PALLD: variants seen among roughly 807,000 people sequenced by gnomAD.
PALLD encodes palladin.
In PALLD, 61 loss-of-function variants were observed where a neutral mutation model predicts 123.5. That is an observed-to-expected ratio of 0.49 (90% CI 0.40 to 0.61). The LOEUF (loss-of-function observed/expected upper bound fraction) is 0.61, where lower values mean the gene tolerates loss of function less well. Among genes scored for constraint, PALLD ranks in the 20% least tolerant of loss-of-function variants. The probability of loss-of-function intolerance (pLI) is 0.00; values close to 1 mark genes in which losing one functional copy is unlikely to be tolerated. For synonymous variants in PALLD, 465 were observed against 496.4 expected, an observed-to-expected ratio of 0.94 and a Z score of 0.84; for missense variants, 1,273 against 1,377.0, an observed-to-expected ratio of 0.92 and a Z score of 1.20.
intron 2 of PALLD, among the ~76,000 whole-genome samples, chr4:168,616,282 G>A (rs940504263): frequency 4.6e-5 from 7 of 152,052 alleles, no homozygotes; most frequent in African/African-American, 1.7e-4. Context: ...TCTCATTTTG[G>A]GTCTTAAGGA....
chr4:168,858,916 C>T (rs932252545), intron 10 of PALLD, among the ~76,000 whole-genome samples: 1 of 152,184 alleles, frequency 6.6e-6, no homozygotes, highest in African/African-American at 2.4e-5. Context: ...AATCTGGATT[C>T]ACTCCCATCC....
chr4:168,864,489 T>G (rs983958043), intron 10 of PALLD: 9 of 152,248 alleles, frequency 5.9e-5, no homozygotes, highest in African/African-American at 2.2e-4. Flanking sequence ...CTGGATGAGA[T>G]GATCCCGGTT....
At chr4:168,576,560 A>G (rs914347307) in intron 2 of PALLD, among the ~76,000 whole-genome samples, 1 of 152,186 alleles carries the variant, frequency 6.6e-6, no homozygotes, top group Non-Finnish European at 1.5e-5. Flanking sequence ...TACAAAGGAC[A>G]TGAACTCATC....
At chr4:168,599,798 A>T (rs2149717287) in intron 2 of PALLD, among the ~76,000 whole-genome samples, 1 of 152,336 alleles carries the variant, frequency 6.6e-6, no homozygotes, top group East Asian at 1.9e-4. Context: ...AAAATAAAAT[A>T]AAAAGAATAA....
At chr4:168,840,226 C>T (rs1745843750) in intron 10 of PALLD, among the ~76,000 whole-genome samples, 1 of 152,240 alleles carries the variant, frequency 6.6e-6, no homozygotes, top group South Asian at 2.1e-4. Context: ...TGAGTACATA[C>T]TGTCCACACC....
intron 10 of PALLD, among the ~76,000 whole-genome samples, chr4:168,792,815 A>G (rs1314417867): frequency 2.0e-5 from 3 of 148,496 alleles, no homozygotes; most frequent in South Asian, 4.3e-4. Flanking sequence ...CACCCAGGCT[A>G]GAGTGCAGTG....
chr4:168,647,478 T>C (rs1298617715), intron 2 of PALLD, among the ~76,000 whole-genome samples: 3 of 152,084 alleles, frequency 2.0e-5, no homozygotes, highest in African/African-American at 7.2e-5. Context: ...TAAAACAGTC[T>C]CTTAAAAAAG....
At chr4:168,540,120 C>G (rs1186268276) in intron 2 of PALLD, among the ~76,000 whole-genome samples, 1 of 152,114 alleles carries the variant, frequency 6.6e-6, no homozygotes, top group Non-Finnish European at 1.5e-5. Flanking sequence ...GTATTATGAC[C>G]AAGTCATCCC....
At chr4:168,919,954 T>C (rs769452160) in intron 17 of PALLD, among the ~76,000 whole-genome samples, 19 of 152,068 alleles carry the variant, frequency 1.2e-4, no homozygotes, top group Admixed American at 2.6e-4. Context: ...GTAGGTTCAC[T>C]GTGAATCACG....
At chr4:168,675,340 T>C (rs890140577) in intron 3 of PALLD, among the ~76,000 whole-genome samples, 1 of 152,224 alleles carries the variant, frequency 6.6e-6, no homozygotes, top group Non-Finnish European at 1.5e-5. Flanking sequence ...AGGTTCTCAG[T>C]GCTACGAATA....
chr4:168,497,491 G>A (rs1760872292), intron 1 of PALLD, among the ~76,000 whole-genome samples: 1 of 152,160 alleles, frequency 6.6e-6, no homozygotes, highest in South Asian at 2.1e-4. Context: ...AGGATTAAAT[G>A]TATTTATGGA....
intron 10 of PALLD, among the ~76,000 whole-genome samples, chr4:168,815,324 C>T (rs750983806): frequency 2.0e-5 from 3 of 152,176 alleles, no homozygotes; most frequent in Non-Finnish European, 4.4e-5. Context: ...TGCTCTAAAA[C>T]CTAAACAAGT....
At chr4:168,841,085 G>A (rs533893317) in intron 10 of PALLD, among the ~76,000 whole-genome samples, 7 of 152,182 alleles carry the variant, frequency 4.6e-5, no homozygotes, top group African/African-American at 1.7e-4. Flanking sequence ...TCCTGACCTC[G>A]TGATCCTCCT....
chr4:168,660,956 G>C (rs1304056909), intron 2 of PALLD, among the ~76,000 whole-genome samples: 2 of 151,314 alleles, frequency 1.3e-5, no homozygotes, highest in East Asian at 3.9e-4. Context: ...CCAGGCTGGA[G>C]TGCAGTGGCA....
chr4:168,573,753 A>G (rs969702156), intron 2 of PALLD, among the ~76,000 whole-genome samples: 1 of 152,120 alleles, frequency 6.6e-6, no homozygotes, highest in Non-Finnish European at 1.5e-5. Flanking sequence ...TAAAGCATAA[A>G]GGTACCCTTC....
At chr4:168,549,942 T>C (rs1766559009) in intron 2 of PALLD, among the ~76,000 whole-genome samples, 1 of 152,240 alleles carries the variant, frequency 6.6e-6, no homozygotes, top group Non-Finnish European at 1.5e-5. Context: ...AATTCATTTA[T>C]GTAGAATTAT....
chr4:168,715,125 G>A (rs867806588), intron 10 of PALLD, among the ~76,000 whole-genome samples: 10 of 152,002 alleles, frequency 6.6e-5, no homozygotes, highest in Non-Finnish European at 1.3e-4. Context: ...TAAAGTAGGG[G>A]TTCCTGGCTC....
At chr4:168,761,320 C>T (rs959282329) in intron 10 of PALLD, among the ~76,000 whole-genome samples, 3 of 152,150 alleles carry the variant, frequency 2.0e-5, no homozygotes, top group Non-Finnish European at 4.4e-5. Flanking sequence ...CTGTGGTCCG[C>T]TGTAGGGCTA....
At chr4:168,773,793 C>T (rs577901977) in intron 10 of PALLD, among the ~76,000 whole-genome samples, 2 of 152,150 alleles carry the variant, frequency 1.3e-5, no homozygotes, top group South Asian at 2.1e-4. Context: ...CCCACCTCGC[C>T]GCCTGTTCTC....
Sources: allele counts gnomAD v4.1 joint callset (sites outside exome capture counted in the v4.1 genomes callset), GRCh38; gene constraint gnomAD v4.1.1; transcripts MANE v1.5; gene names NCBI Gene and HGNC (gene_info 2026-07-23, HGNC 2026-07-21).